Variants in SNTG1 observed in about 807,000 individuals in gnomAD.
SNTG1 encodes syntrophin gamma 1, also known as gamma-1-syntrophin.
In SNTG1, 39 loss-of-function variants were observed where a neutral mutation model predicts 74.7. The observed-to-expected ratio is 0.52, with a 90% confidence interval of 0.40 to 0.68. The LOEUF (loss-of-function observed/expected upper bound fraction) is 0.68, where lower values mean the gene tolerates loss of function less well. SNTG1 is among the 30% of genes least tolerant of loss of function. The pLI is 0.00. For synonymous variants in SNTG1, 254 were observed against 217.1 expected, an observed-to-expected ratio of 1.17 and a Z score of -1.49; for missense variants, 685 against 609.5, an observed-to-expected ratio of 1.12 and a Z score of -1.30.
intron 2 of SNTG1, among the ~76,000 whole-genome samples, chr8:50,221,512 T>TACACATACAC (rs1473729808): frequency 7.7e-6 from 1 of 130,110 alleles, no homozygotes; most frequent in Non-Finnish European, 1.7e-5. Flanking sequence ...AACACACACA[T>TACACATACAC]ACACACACAC....
At chr8:50,406,248 AG>A (rs1280522839) in intron 4 of SNTG1, among the ~76,000 whole-genome samples, 1 of 152,102 alleles carries the variant, frequency 6.6e-6, no homozygotes, top group Non-Finnish European at 1.5e-5. Context: ...TTCATGTACA[AG>A]TCTTTCAACC....
chr8:50,677,450 G>A (rs1375980689), intron 15 of SNTG1, among the ~76,000 whole-genome samples: 1 of 151,816 alleles, frequency 6.6e-6, no homozygotes. Context: ...GGGTTTTGTT[G>A]CACAAATAAT....
intron 1 of SNTG1, among the ~76,000 whole-genome samples, chr8:50,004,732 T>G (rs1227119237): frequency 6.6e-6 from 1 of 152,198 alleles, no homozygotes; most frequent in African/African-American, 2.4e-5. Flanking sequence ...AGAAGTAAAC[T>G]TCCTTTGTCT....
Position 50,419,256 on chromosome 8 carries a change from C to T in SNTG1, c.162+16912C>T, listed in dbSNP as rs371585535. 1.1e-3 allele frequency among the ~76,000 whole-genome samples: 170 copies of T among 152,278 alleles called. 1 individual carries two copies. Among genetic ancestry groups the T allele is most frequent in the African/African-American group, 3.3e-3 (138 of 41,562 alleles). On this transcript the variant is annotated intron_variant, in intron 4 of 18. Coordinates refer to ENST00000642720, the MANE Select transcript of SNTG1 (RefSeq NM_018967.5). The stretch of plus-strand genomic sequence containing the variant: ...AAATTCTTCCAAAATAAATGCTCTA[C>T]TCTACCAAAATACCACACACACACA...
intron 1 of SNTG1, among the ~76,000 whole-genome samples, chr8:49,991,271 G>T (rs1365884935): frequency 6.6e-6 from 1 of 152,052 alleles, no homozygotes; most frequent in Non-Finnish European, 1.5e-5. Context: ...GGATGCCTGT[G>T]ATCAAAAAGA....
chr8:50,301,045 G>A (rs2089622875), intron 2 of SNTG1, among the ~76,000 whole-genome samples: 3 of 151,956 alleles, frequency 2.0e-5, no homozygotes, highest in Non-Finnish European at 4.4e-5. Flanking sequence ...AATTATCTAG[G>A]TGTGTGTTTT....
chr8:49,945,193 TTTGGATTTACA>T (rs1809064294), intron 1 of SNTG1, among the ~76,000 whole-genome samples: 1 of 152,190 alleles, frequency 6.6e-6, no homozygotes. Flanking sequence ...ATCTTTAGTC[TTTGGATTTACA>T]TTGTTCAAAA....
rs10088796 is a variant in SNTG1, at chr8:50,290,756, T to G, written c.-27-103456T>G. Reference sequence around the variant, plus strand: ...TTAAATTTTTTGGGATTTATTTATTTTGTTTTGTTTTGCTTTTTTTGAGAC... The same window carrying G: ...TTAAATTTTTTGGGATTTATTTATTGTGTTTTGTTTTGCTTTTTTTGAGAC... On this transcript the variant is annotated intron_variant, in intron 2 of 18. Transcript: ENST00000642720. Among the ~76,000 whole-genome samples the G allele has an allele frequency of 6.0e-3, 915 of 152,266 alleles. 9 individuals carry two copies. The highest frequency in any genetic ancestry group is 0.021 in the African/African-American group (862 of 41,562).
At chr8:49,958,032 G>C (rs1165888317) in intron 1 of SNTG1, among the ~76,000 whole-genome samples, 1 of 152,178 alleles carries the variant, frequency 6.6e-6, no homozygotes, top group Non-Finnish European at 1.5e-5. Flanking sequence ...TGCTGTCCAA[G>C]TTTAATGCTT....
At chr8:50,448,335 T>C (rs548954509) in intron 5 of SNTG1, among the ~76,000 whole-genome samples, 1 of 152,322 alleles carries the variant, frequency 6.6e-6, no homozygotes, top group East Asian at 1.9e-4. Flanking sequence ...TCAATATTCC[T>C]GCTTTTCTAA....
intron 12 of SNTG1, among the ~76,000 whole-genome samples, chr8:50,556,583 A>G (rs2094456730): frequency 1.3e-5 from 2 of 152,358 alleles, no homozygotes; most frequent in African/African-American, 4.8e-5. Context: ...TTTTATTTCC[A>G]TGATCATTTC....
intron 11 of SNTG1, among the ~76,000 whole-genome samples, chr8:50,547,701 G>A (rs1042677821): frequency 3.9e-5 from 6 of 152,090 alleles, no homozygotes; most frequent in African/African-American, 1.4e-4. Context: ...AATAACCCTT[G>A]AAGAAGTATA....
intron 2 of SNTG1, among the ~76,000 whole-genome samples, chr8:50,277,963 C>T (rs1307992870): frequency 6.6e-6 from 1 of 152,164 alleles, no homozygotes; most frequent in Non-Finnish European, 1.5e-5. Flanking sequence ...CACTTGAGGT[C>T]AGGAGTTTCA....
At chr8:50,761,471 G>T (rs115268708) in intron 18 of SNTG1, among the ~76,000 whole-genome samples, 1,591 of 151,990 alleles carry the variant, frequency 0.01, 22 homozygotes, top group African/African-American at 0.035. Context: ...AGGATGGCTG[G>T]AAGGGGTTGG....
intron 12 of SNTG1, among the ~76,000 whole-genome samples, chr8:50,586,382 A>C (rs2094648258): frequency 6.6e-6 from 1 of 152,156 alleles, no homozygotes; most frequent in Non-Finnish European, 1.5e-5. Flanking sequence ...TACAACTGGA[A>C]TTCAACACCA....
chr8:50,098,562 C>T (rs721441), intron 1 of SNTG1, among the ~76,000 whole-genome samples: 35,635 of 151,826 alleles, frequency 0.23, 4,242 homozygotes, highest in South Asian at 0.38. Flanking sequence ...CTTGAACATC[C>T]GTGGATTTTG....
chr8:49,997,271 C>T (rs900226324), intron 1 of SNTG1, among the ~76,000 whole-genome samples: 8 of 152,104 alleles, frequency 5.3e-5, no homozygotes, highest in African/African-American at 1.9e-4. Flanking sequence ...TCCCTCTGGC[C>T]TATTCAAGAG....
intron 1 of SNTG1, among the ~76,000 whole-genome samples, chr8:49,968,740 G>A (rs1811377492): frequency 6.6e-6 from 1 of 152,108 alleles, no homozygotes; most frequent in Non-Finnish European, 1.5e-5. Flanking sequence ...ATGAAAGAGA[G>A]GACCTCCCAG....
intron 13 of SNTG1, among the ~76,000 whole-genome samples, chr8:50,610,642 T>A (rs2094843174): frequency 6.6e-6 from 1 of 152,174 alleles, no homozygotes; most frequent in Non-Finnish European, 1.5e-5. Flanking sequence ...TGCTACTCAC[T>A]CCTATTTGAT....
Sources: allele counts gnomAD v4.1 joint callset (sites outside exome capture counted in the v4.1 genomes callset), GRCh38; gene constraint gnomAD v4.1.1; transcripts MANE v1.5; gene names NCBI Gene and HGNC (gene_info 2026-07-23, HGNC 2026-07-21).